PCDH15: variants seen among roughly 807,000 people sequenced by gnomAD.
PCDH15 encodes the protein protocadherin-15.
A neutral mutation model predicts 178.5 loss-of-function variants in PCDH15; 129 were observed. The ratio of observed to expected loss-of-function variants is 0.72; its 90% CI spans 0.63 to 0.84. The LOEUF (loss-of-function observed/expected upper bound fraction) is 0.84, where lower values mean the gene tolerates loss of function less well. Ranked by LOEUF, PCDH15 falls within the 40% of genes least tolerant of loss-of-function variation. The pLI is 0.00. For missense variants in PCDH15, 2,230 were observed against 2,099.9 expected, an observed-to-expected ratio of 1.06 and a Z score of -1.21; for synonymous variants, 800 against 732.0, an observed-to-expected ratio of 1.09 and a Z score of -1.50.
At chr10:55,449,547 A>G (rs1224350080) in intron 2 of PCDH15, among the ~76,000 whole-genome samples, 1 of 152,148 alleles carries the variant, frequency 6.6e-6, no homozygotes, top group Non-Finnish European at 1.5e-5. Context: ...ACAGGTGAAT[A>G]CAATTTTTAA....
intron 2 of PCDH15, among the ~76,000 whole-genome samples, chr10:54,906,502 TTCTC>T (rs1207763051): frequency 1.2e-4 from 18 of 152,298 alleles, no homozygotes; most frequent in East Asian, 1.9e-4. Flanking sequence ...TTTTATTTTG[TTCTC>T]TCTATGTTTA....
chr10:55,126,965 C>T (rs903743663), intron 2 of PCDH15, among the ~76,000 whole-genome samples: 1 of 151,892 alleles, frequency 6.6e-6, no homozygotes, highest in African/African-American at 2.4e-5. Context: ...TACCAGAAAC[C>T]CTAATATTGT....
At chr10:54,395,450 C>CACT (rs1951089053) in intron 3 of PCDH15, among the ~76,000 whole-genome samples, 1 of 121,866 alleles carries the variant, frequency 8.2e-6, no homozygotes, top group Non-Finnish European at 1.9e-5. Context: ...ACACACACAC[C>CACT]CACATTAAGA....
intron 3 of PCDH15, among the ~76,000 whole-genome samples, chr10:54,520,132 C>A (rs1019115737): frequency 6.6e-6 from 1 of 152,138 alleles, no homozygotes; most frequent in Non-Finnish European, 1.5e-5. Context: ...CTAGGCAATA[C>A]CATTCAGGAC....
rs546376067 is a variant in PCDH15 at position 54,964,509 on chromosome 10, T to C, written c.-79-67009A>G. 2.0e-5 allele frequency among the ~76,000 whole-genome samples: 3 copies of C among 152,336 alleles called. No homozygotes were observed. In the South Asian group the frequency reaches 6.2e-4, roughly 32 times the overall value. On this transcript the variant is annotated intron_variant, in intron 2 of 5. Coordinates refer to the PCDH15 transcript ENST00000458638. ...TTTTTCTGTGATCCCTCTGATCTCA[T>C]GTGCTCATTACTGGAGTACATATTC...
At chr10:54,635,162 T>TATACATAAATAAATAA (rs71461251) in intron 2 of PCDH15, among the ~76,000 whole-genome samples, 1 of 145,378 alleles carries the variant, frequency 6.9e-6, no homozygotes, top group Non-Finnish European at 1.5e-5. Flanking sequence ...AATAGTCTCC[T>TATACATAAATAAATAA]ATAAATAAAT....
intron 3 of PCDH15, among the ~76,000 whole-genome samples, chr10:54,442,300 C>T (rs1409269905): frequency 6.8e-6 from 1 of 147,806 alleles, no homozygotes; most frequent in Non-Finnish European, 1.5e-5. Context: ...GGGGATAAAC[C>T]GTGGATTAAA....
At chr10:54,145,238 G>T (rs1941654319) in intron 14 of PCDH15, among the ~76,000 whole-genome samples, 1 of 151,914 alleles carries the variant, frequency 6.6e-6, no homozygotes, top group South Asian at 2.1e-4. Context: ...GTAGTAATGA[G>T]ATAATGTTGC....
intron 2 of PCDH15, among the ~76,000 whole-genome samples, chr10:54,956,139 T>G (rs944112017): frequency 9.9e-5 from 15 of 151,338 alleles, no homozygotes; most frequent in Admixed American, 7.9e-4. Context: ...GTGCCAGTAT[T>G]GATTGACAGG....
intron 1 of PCDH15, among the ~76,000 whole-genome samples, chr10:54,763,649 G>A (rs1948156086): frequency 1.3e-5 from 2 of 151,500 alleles, no homozygotes; most frequent in African/African-American, 4.8e-5. Flanking sequence ...AAATCTTTGT[G>A]GTGATGGACA....
intron 24 of PCDH15, among the ~76,000 whole-genome samples, chr10:53,939,203 G>T (rs1387651459): frequency 2.0e-5 from 3 of 151,818 alleles, no homozygotes; most frequent in Non-Finnish European, 4.4e-5. Flanking sequence ...AGATAATCCT[G>T]GAAAACAAAG....
chr10:54,546,642 A>G (rs2085888164), intron 2 of PCDH15, among the ~76,000 whole-genome samples: 1 of 152,192 alleles, frequency 6.6e-6, no homozygotes, highest in Non-Finnish European at 1.5e-5. Flanking sequence ...ATAGAATAAT[A>G]ACCTTATCAC....
intron 7 of PCDH15, among the ~76,000 whole-genome samples, chr10:54,318,136 T>C (rs2061392182): frequency 6.6e-6 from 1 of 152,212 alleles, no homozygotes; most frequent in Admixed American, 6.5e-5. Flanking sequence ...ATCTTTTTCA[T>C]GCCCTGGGGG....
intron 25 of PCDH15, among the ~76,000 whole-genome samples, chr10:53,924,353 C>T (rs993986866): frequency 6.6e-6 from 1 of 152,228 alleles, no homozygotes; most frequent in Non-Finnish European, 1.5e-5. Flanking sequence ...TGCACCGGGT[C>T]CCCCAGCAGT....
At chr10:54,334,996 T>C (rs183469524) in intron 6 of PCDH15, among the ~76,000 whole-genome samples, 31 of 152,296 alleles carry the variant, frequency 2.0e-4, no homozygotes, top group Admixed American at 1.6e-3. Context: ...ACTTTGCCCT[T>C]ATCAATCTTT....
rs199529175 is a variant in PCDH15, at chr10:55,281,096, T to C, written c.-156+38503A>G. 6.8e-4 allele frequency among the ~76,000 whole-genome samples: 104 copies of C among 152,344 alleles called. 1 individual carries two copies. In the East Asian group the frequency reaches 0.019, roughly 27 times the overall value. On this transcript the variant is annotated intron_variant, in intron 1 of 5. Coordinates refer to the PCDH15 transcript ENST00000458638. ...TGCAATGCTATGCAGCCAATAAATGTGTAAAAAATATTATTTTCCCCCTTA... is the reference window on the plus strand; with the variant it reads ...TGCAATGCTATGCAGCCAATAAATGCGTAAAAAATATTATTTTCCCCCTTA...
chr10:55,357,606 A>G (rs961225658), intron 2 of PCDH15, among the ~76,000 whole-genome samples: 1 of 152,028 alleles, frequency 6.6e-6, no homozygotes, highest in African/African-American at 2.4e-5. Context: ...CAGTATCTAT[A>G]AAATGCTCTT....
chr10:55,089,601 C>A (rs895033233), intron 2 of PCDH15, among the ~76,000 whole-genome samples: 2 of 151,992 alleles, frequency 1.3e-5, no homozygotes, highest in Non-Finnish European at 2.9e-5. Flanking sequence ...TACATAATAA[C>A]CTGAAGAATT....
Position 53,806,310 on chromosome 10 carries a change from A to G in PCDH15, c.*269T>C, listed in dbSNP as rs1246105972. The G allele has an allele frequency of 3.1e-6, 1 of 323,776 alleles. No individual in the cohort carries two copies. The highest frequency in any genetic ancestry group is 4.4e-5 in the Admixed American group (1 of 22,910). 20.1% of individuals were successfully genotyped at this position (323,776 alleles called of 1,614,324 possible). A position where few individuals can be genotyped will look rare whatever the true frequency, so the allele number is the denominator to read the frequency against. ...AATTATTTCTTGTTTATTAAAATGAACAAAAATTCAAGACCCAACAAAACA... is the reference window on the plus strand; with the variant it reads ...AATTATTTCTTGTTTATTAAAATGAGCAAAAATTCAAGACCCAACAAAACA... On this transcript the variant is annotated 3_prime_UTR_variant, in exon 38 of 38. Transcript: ENST00000644397.
Sources: allele counts gnomAD v4.1 joint callset (sites outside exome capture counted in the v4.1 genomes callset), GRCh38; gene constraint gnomAD v4.1.1; transcripts MANE v1.5; gene names NCBI Gene and HGNC (gene_info 2026-07-23, HGNC 2026-07-21).